Variants in FYN observed in about 807,000 individuals in gnomAD.
FYN encodes FYN proto-oncogene, Src family tyrosine kinase.
In FYN, 10 loss-of-function variants were observed where a neutral mutation model predicts 70.2. That is an observed-to-expected ratio of 0.14 (90% CI 0.09 to 0.24). The LOEUF (loss-of-function observed/expected upper bound fraction) is 0.24, where lower values mean the gene tolerates loss of function less well. Among genes scored for constraint, FYN ranks in the 10% least tolerant of loss-of-function variants. The pLI, the probability that FYN is intolerant of heterozygous loss-of-function variation, is 1.00. For synonymous variants in FYN, 236 were observed against 248.6 expected (o/e 0.95, Z 0.48); for missense variants, 319 against 673.1 (o/e 0.47, Z 5.82).
chr6:111,671,765 C>T (rs749583586), intron 13 of FYN, among the ~76,000 whole-genome samples: 35 of 152,172 alleles, frequency 2.3e-4, no homozygotes, highest in African/African-American at 8.4e-4. Context: ...GAAGGTCCTT[C>T]TTTGCCTTCA....
intron 3 of FYN, among the ~76,000 whole-genome samples, chr6:111,765,017 A>T (rs556664120): frequency 3.5e-4 from 53 of 151,940 alleles, no homozygotes; most frequent in African/African-American, 1.2e-3. Context: ...GGCTGGGATC[A>T]TGCGGAGGCA....
intron 1 of FYN, among the ~76,000 whole-genome samples, chr6:111,869,156 A>G (rs189474826): frequency 3.3e-5 from 5 of 152,374 alleles, no homozygotes; most frequent in Admixed American, 2.6e-4. Flanking sequence ...GGGACTACCC[A>G]GAACACTAGA....
intron 3 of FYN, among the ~76,000 whole-genome samples, chr6:111,767,313 T>A (rs894379052): frequency 6.6e-6 from 1 of 152,240 alleles, no homozygotes. Flanking sequence ...GCCAGTAGAA[T>A]AATTCACATT....
chr6:111,836,213 C>G (rs1167513064), intron 2 of FYN, among the ~76,000 whole-genome samples: 1 of 152,104 alleles, frequency 6.6e-6, no homozygotes, highest in Non-Finnish European at 1.5e-5. Flanking sequence ...CTGAGGTGGC[C>G]AATTCCTCCA....
At chr6:111,757,537 G>A (rs1802795160) in intron 3 of FYN, among the ~76,000 whole-genome samples, 2 of 152,150 alleles carry the variant, frequency 1.3e-5, no homozygotes, top group South Asian at 4.1e-4. Context: ...ATCAAACTCT[G>A]CCTAAAAGGA....
At chr6:111,749,169 T>C (rs1802377989) in intron 3 of FYN, among the ~76,000 whole-genome samples, 1 of 152,192 alleles carries the variant, frequency 6.6e-6, no homozygotes, top group Non-Finnish European at 1.5e-5. Context: ...TGTGGCAAAT[T>C]CCTTAGGGCA....
intron 1 of FYN, among the ~76,000 whole-genome samples, chr6:111,867,480 A>AAG (rs1378297594): frequency 6.7e-4 from 101 of 149,992 alleles, no homozygotes; most frequent in Non-Finnish European, 9.3e-4. Flanking sequence ...AAAAAAAAAA[A>AAG]AAGACCTAGT....
chr6:111,695,763 T>G (rs1799546121), intron 10 of FYN, among the ~76,000 whole-genome samples: 1 of 152,164 alleles, frequency 6.6e-6, no homozygotes, highest in Non-Finnish European at 1.5e-5. Flanking sequence ...ACAGAGGGGT[T>G]GTAGGGGAGA....
chr6:111,762,794 T>TA (rs879483968), intron 3 of FYN, among the ~76,000 whole-genome samples: 1,667 of 142,842 alleles, frequency 0.012, 24 homozygotes, highest in African/African-American at 0.023. Context: ...GTGATGAGCT[T>TA]AAAAAAAAAA....
chr6:111,670,137 C>A (rs1308776383), intron 13 of FYN, among the ~76,000 whole-genome samples: 1 of 152,174 alleles, frequency 6.6e-6, no homozygotes, highest in African/African-American at 2.4e-5. Flanking sequence ...CCCCTCACTT[C>A]CCACCTCACT....
At chr6:111,758,282 T>C (rs991912569) in intron 3 of FYN, among the ~76,000 whole-genome samples, 7 of 152,194 alleles carry the variant, frequency 4.6e-5, no homozygotes, top group African/African-American at 1.7e-4. Flanking sequence ...ATATAAAACA[T>C]TAAGTCCAAT....
At chr6:111,783,171 C>T (rs945711442) in intron 2 of FYN, among the ~76,000 whole-genome samples, 1 of 152,210 alleles carries the variant, frequency 6.6e-6, no homozygotes, top group Non-Finnish European at 1.5e-5. Context: ...AACAGTTCTT[C>T]CTTTTCAAAC....
At chr6:111,773,528 G>GGGGAGA (rs558785700) in intron 3 of FYN, among the ~76,000 whole-genome samples, 3,488 of 39,060 alleles carry the variant, frequency 0.089, 366 homozygotes, top group East Asian at 0.21. Flanking sequence ...TGAGAGAGAG[G>GGGGAGA]GGGAGAGGGA....
Position 111,694,668 on chromosome 6 carries a change from C to T in FYN, c.1079G>A (p.Arg360Lys). The change falls in exon 11 of 14, where the codon AGA becomes AAA. Residue 360 changes from arginine (R) to lysine (K), a missense_variant. Around this residue, in one of 4 missense-constraint regions of FYN, gnomAD observed 15 missense variants for 16.0 expected, o/e 0.94. Transcript: ENST00000354650. The surrounding 1 kb of genome is among the most constrained non-coding windows in gnomAD (Gnocchi z 5.0). ...LLDFLKDGEG[R>K]ALKLPNLVDM... is the part of the protein sequence containing the mutation. ...CACAAGATTTGGTAATTTCAGAGCT[C>T]TTCCTTCTCCATCTTTTAAGAAATC... The T allele has an allele frequency of 6.2e-7, 1 of 1,614,054 alleles. No individual in the cohort carries two copies. Among genetic ancestry groups the T allele is most frequent in the Non-Finnish European group, 8.5e-7 (1 of 1,179,984 alleles).
At chr6:111,682,378 G>A (rs1331907599) in intron 12 of FYN, among the ~76,000 whole-genome samples, 1 of 152,160 alleles carries the variant, frequency 6.6e-6, no homozygotes, top group Non-Finnish European at 1.5e-5. Flanking sequence ...CAAGCCCCAG[G>A]CCACATTCCA....
intron 3 of FYN, among the ~76,000 whole-genome samples, chr6:111,750,102 C>T (rs1314786736): frequency 6.6e-6 from 1 of 152,192 alleles, no homozygotes; most frequent in African/African-American, 2.4e-5. Context: ...ATGTACTTGG[C>T]TCCAGATTCC....
chr6:111,700,313 C>A, intron 8 of FYN, 45 bp from the exon 9 acceptor site: 7 of 1,598,792 alleles, frequency 4.4e-6, no homozygotes, highest in South Asian at 1.1e-5. Flanking sequence ...AAGAGCAGAA[C>A]ACATGTAATG....
At position 111,846,607 on chromosome 6, in the gene FYN, A is replaced by C. The variant is rs1048745819; in HGVS notation, c.-100T>G. ...AACTTACTTTTTCCACGTTTAGATC[A>C]GCATCCTGCTTCTTCAAAAAAACTG... On this transcript the variant is annotated 5_prime_UTR_variant, in exon 2 of 14. Coordinates refer to ENST00000354650, the MANE Select transcript of FYN (RefSeq NM_002037.5). 8 of 398,918 alleles carry C rather than the reference A, an allele frequency of 2.0e-5. No homozygotes were observed. The highest frequency in any genetic ancestry group is 1.6e-4 in the African/African-American group (8 of 48,632). The allele number at this position is 398,918 out of a possible 1,614,324, so 24.7% of individuals were successfully genotyped here.
At chr6:111,699,340 G>A (rs1045020515) in intron 9 of FYN, among the ~76,000 whole-genome samples, 1 of 151,926 alleles carries the variant, frequency 6.6e-6, no homozygotes, top group African/African-American at 2.4e-5. Context: ...CATGAAGTAG[G>A]ACAGATGAGC....
Sources: allele counts gnomAD v4.1 joint callset (sites outside exome capture counted in the v4.1 genomes callset), GRCh38; gene constraint gnomAD v4.1.1; regional missense constraint gnomAD v4.1.1; non-coding constraint Gnocchi (gnomAD v3.1); transcripts MANE v1.5; gene names NCBI Gene and HGNC (gene_info 2026-07-23, HGNC 2026-07-21).